Variants in PADI2 observed in about 807,000 individuals in gnomAD.
The protein encoded by PADI2 is protein-arginine deiminase type-2.
Under a neutral mutation model 81.1 loss-of-function variants are expected in PADI2, and 70 were observed. The observed-to-expected ratio is 0.86, with a 90% confidence interval of 0.71 to 1.05. The LOEUF is 1.05. Among genes scored for constraint, PADI2 ranks in the 50% least tolerant of loss-of-function variants. PADI2 has a pLI of 0.00. For missense variants in PADI2, 853 were observed against 889.9 expected, an observed-to-expected ratio of 0.96 and a Z score of 0.53; for synonymous variants, 338 against 358.0, an observed-to-expected ratio of 0.94 and a Z score of 0.63.
intron 11 of PADI2, among the ~76,000 whole-genome samples, chr1:17,078,455 A>G (rs10887995): frequency 0.34 from 51,515 of 151,758 alleles, 9,071 homozygotes; most frequent in East Asian, 0.61. Flanking sequence ...GCTGGAGTGC[A>G]GGGCATGATC....
chr1:17,073,134 T>C (rs1279188493), intron 13 of PADI2, among the ~76,000 whole-genome samples: 3 of 152,000 alleles, frequency 2.0e-5, no homozygotes, highest in Admixed American at 2.0e-4. Context: ...AAGAAAAAAA[T>C]AGGCCGAGCA....
At chr1:17,109,283 G>T (rs1435511004) in intron 1 of PADI2, among the ~76,000 whole-genome samples, 8 of 151,134 alleles carry the variant, frequency 5.3e-5, no homozygotes, top group Admixed American at 4.6e-4. Flanking sequence ...AGCTACTCGG[G>T]AGGCTGAGGC....
intron 11 of PADI2, among the ~76,000 whole-genome samples, chr1:17,078,622 A>G (rs949739649): frequency 5.3e-5 from 8 of 152,118 alleles, no homozygotes; most frequent in African/African-American, 1.9e-4. Flanking sequence ...TTCTGGTCTC[A>G]AGCAATCTGC....
chr1:17,080,168 AT>A, intron 10 of PADI2, among the ~76,000 whole-genome samples: 1 of 152,016 alleles, frequency 6.6e-6, no homozygotes, highest in Non-Finnish European at 1.5e-5. Context: ...ATTTCCAGAG[AT>A]TTGCTACCCT....
At chr1:17,109,959 C>A (rs1391925626) in intron 1 of PADI2, among the ~76,000 whole-genome samples, 6 of 152,152 alleles carry the variant, frequency 3.9e-5, no homozygotes, top group Non-Finnish European at 8.8e-5. Context: ...CAAAGGAGGC[C>A]TCAGAGGCTC....
Position 17,104,992 on chromosome 1 carries a change from A to G in PADI2, c.162T>C (p.Arg54=), listed in dbSNP as rs1000550701. ...HSEHVWVEVV[R]DGEAEEVATN... ...TGGCCACCTCCTCAGCCTCCCCATC[A>G]CGCACCACCTCCACCCACACGTGTT... is the stretch of plus-strand genomic sequence containing the variant. The change falls in exon 2 of 16, where the codon CGT becomes CGC. Residue 54 remains arginine (R), a synonymous_variant. Transcript: ENST00000375486. The G allele has an allele frequency of 1.2e-6, 2 of 1,606,022 alleles. No individual in the cohort carries two copies. Among genetic ancestry groups the G allele is most frequent in the East Asian group, 2.3e-5 (1 of 44,422 alleles).
intron 1 of PADI2, among the ~76,000 whole-genome samples, chr1:17,116,257 T>G (rs1405165906): frequency 6.6e-6 from 1 of 152,142 alleles, no homozygotes. Flanking sequence ...CCCTGCTATG[T>G]GTCTGGAGGG....
intron 7 of PADI2, 102 bp downstream of exon 7, chr1:17,086,419 G>T: frequency 1.0e-6 from 1 of 989,468 alleles, no homozygotes; most frequent in Non-Finnish European, 1.4e-6. Flanking sequence ...CCCCTTTGGC[G>T]CTTTGAGCAG....
intron 4 of PADI2, among the ~76,000 whole-genome samples, chr1:17,093,939 G>T (rs1272432195): frequency 6.6e-6 from 1 of 152,192 alleles, no homozygotes; most frequent in Non-Finnish European, 1.5e-5. Flanking sequence ...GGTGCAGCTG[G>T]TGTCTGGTGT....
intron 6 of PADI2, 55 bp downstream of exon 6, chr1:17,092,353 G>A: frequency 6.8e-7 from 1 of 1,480,576 alleles, no homozygotes; most frequent in Non-Finnish European, 9.1e-7. Flanking sequence ...ACTGCTAAGG[G>A]GAGGAGGGTA....
intron 5 of PADI2, among the ~76,000 whole-genome samples, chr1:17,093,137 C>T (rs1299622239): frequency 6.6e-6 from 1 of 150,740 alleles, no homozygotes; most frequent in East Asian, 2.0e-4. Context: ...GCTCTGTTGC[C>T]CAGGCTGGAG....
At chr1:17,101,838 C>T (rs1931157057) in intron 3 of PADI2, among the ~76,000 whole-genome samples, 1 of 152,126 alleles carries the variant, frequency 6.6e-6, no homozygotes. Context: ...TTTGTTTTAC[C>T]TTTTCTGAGC....
intron 3 of PADI2, among the ~76,000 whole-genome samples, chr1:17,097,651 C>T (rs1930985154): frequency 6.6e-6 from 1 of 152,160 alleles, no homozygotes; most frequent in African/African-American, 2.4e-5. Flanking sequence ...TTTCACAGGG[C>T]AGCAAACCCA....
At position 17,086,642 on chromosome 1, in the gene PADI2, A is replaced by G; in HGVS notation, c.713T>C (p.Val238Ala). The change falls in exon 7 of 16, where the codon GTG (valine) becomes GCG (alanine). Residue 238 changes from valine to alanine, a missense_variant. Val to Ala is a moderately conservative substitution (Grantham distance 64). Coordinates refer to ENST00000375486, the MANE Select transcript of PADI2 (RefSeq NM_007365.3). ...CGCGGAGCCACCCGTGTACTTGACCACATGGTAGAGCTTCCGCCGGCCCAG... is the reference window on the plus strand; with the variant it reads ...CGCGGAGCCACCCGTGTACTTGACCGCATGGTAGAGCTTCCGCCGGCCCAG... ...HILGRRKLYH[V>A]VKYTGGSAEL... 1 of 1,614,120 alleles carries G rather than the reference A, an allele frequency of 6.2e-7. No homozygotes were observed. Among genetic ancestry groups the G allele is most frequent in the South Asian group, 1.1e-5 (1 of 91,078 alleles).
At chr1:17,112,411 C>T (rs893985132) in intron 1 of PADI2, among the ~76,000 whole-genome samples, 1 of 152,104 alleles carries the variant, frequency 6.6e-6, no homozygotes, top group African/African-American at 2.4e-5. Flanking sequence ...GCTTTCTTAG[C>T]TTGCCCGCCT....
rs549026071 is a variant in PADI2, at chr1:17,110,086, A to G, written c.93-5025T>C. ...CTATTCTTGGAGTGGCCCTGGGCAA[A>G]GCAATAAAGGGGCCCATTGTGCCCC... On this transcript the variant is annotated intron_variant, in intron 1 of 15. Transcript: ENST00000375486. Among the ~76,000 whole-genome samples, 6 of 152,288 alleles carry G rather than the reference A, an allele frequency of 3.9e-5. 1 individual carries two copies. Among genetic ancestry groups the G allele is most frequent in the Middle Eastern group, 3.4e-3 (1 of 294 alleles).
At chr1:17,111,587 T>TAAA (rs113855519) in intron 1 of PADI2, among the ~76,000 whole-genome samples, 15 of 147,712 alleles carry the variant, frequency 1.0e-4, no homozygotes, top group Non-Finnish European at 2.1e-4. Context: ...GTGCTGACTG[T>TAAA]AAAAAAAAAA....
intron 1 of PADI2, among the ~76,000 whole-genome samples, chr1:17,118,640 A>C (rs1194463066): frequency 6.6e-6 from 1 of 152,232 alleles, no homozygotes; most frequent in African/African-American, 2.4e-5. Context: ...CCCCGTCGTC[A>C]GCTGGGTAGA....
At chr1:17,117,722 C>T (rs141059241) in intron 1 of PADI2, among the ~76,000 whole-genome samples, 18 of 152,214 alleles carry the variant, frequency 1.2e-4, no homozygotes, top group African/African-American at 4.1e-4. Flanking sequence ...GAGGATCATG[C>T]CAGCTTTTCA....
Sources: gnomAD v4.1 joint callset for allele counts (sites outside exome capture counted in the v4.1 genomes callset) on GRCh38, gnomAD v4.1.1 for gene constraint, MANE v1.5 for transcripts, NCBI Gene and HGNC (gene_info 2026-07-23, HGNC 2026-07-21) for gene names.